The following DOCK4 variants were observed in gnomAD, a reference collection of about 807,000 sequenced individuals.
DOCK4 encodes dedicator of cytokinesis protein 4.
In DOCK4, 97 loss-of-function variants were observed where a neutral mutation model predicts 268.1. The ratio of observed to expected loss-of-function variants is 0.36; its 90% CI spans 0.31 to 0.43. The LOEUF is 0.43. DOCK4 is among the 20% of genes least tolerant of loss of function. DOCK4 has a pLI of 1.00. For synonymous variants in DOCK4, 954 were observed against 887.2 expected, an observed-to-expected ratio of 1.08 and a Z score of -1.34; for missense variants, 2,145 against 2,455.7, an observed-to-expected ratio of 0.87 and a Z score of 2.67.
chr7:111,757,021 G>A (rs1341282899), intron 41 of DOCK4, among the ~76,000 whole-genome samples: 1 of 152,048 alleles, frequency 6.6e-6, no homozygotes, highest in African/African-American at 2.4e-5. Flanking sequence ...GAGTGAGTAG[G>A]AGTTTGCCAG....
chr7:111,894,311 T>C (rs1298982966), intron 16 of DOCK4, among the ~76,000 whole-genome samples: 1 of 152,226 alleles, frequency 6.6e-6, no homozygotes, highest in Non-Finnish European at 1.5e-5. Context: ...AAGTTTTTGC[T>C]TGTAATCTCT....
chr7:112,110,541 G>C (rs1312965177), intron 1 of DOCK4, among the ~76,000 whole-genome samples: 1 of 152,200 alleles, frequency 6.6e-6, no homozygotes, highest in East Asian at 1.9e-4. Context: ...TGGTGAACAC[G>C]ATCTTCAGGT....
Position 111,739,207 on chromosome 7 carries a change from C to T in DOCK4, c.5159G>A (p.Arg1720Gln), listed in dbSNP as rs747259595. 4.8e-5 allele frequency: 78 copies of T among 1,613,816 alleles called. No homozygotes were observed. The highest frequency in any genetic ancestry group is 6.1e-5 in the Non-Finnish European group (72 of 1,179,888). ...PLLSDKHKHS[R>Q]ENSCLSPRER... ...TCTTGGTGACAGGCAAGAGTTTTCT[C>T]GGGAATGTTTGTGTTTGTCAGACAA... Residue 1720 changes from arginine to glutamine, a missense_variant, in exon 49 of 53, where the codon CGA becomes CAA. Coordinates refer to ENST00000428084, the MANE Select transcript of DOCK4 (RefSeq NM_001363540.2).
rs149326247 is a variant in DOCK4 at position 111,895,607 on chromosome 7, G to A, written c.1587+5C>T. On this transcript the variant is annotated splice_donor_5th_base_variant and intron_variant, in intron 16 of 52. Coordinates refer to ENST00000428084, the MANE Select transcript of DOCK4 (RefSeq NM_001363540.2). ...TGCCCATCGCCACCATCTGACTGAT[G>A]TTACCTTATGCACGATGAGCTCATG... 1.7e-5 allele frequency: 28 copies of A among 1,613,130 alleles called. No homozygotes were observed. The highest frequency in any genetic ancestry group is 2.3e-5 in the Non-Finnish European group (27 of 1,179,190).
intron 27 of DOCK4, among the ~76,000 whole-genome samples, chr7:111,818,113 T>G (rs889316964): frequency 3.9e-5 from 6 of 152,220 alleles, no homozygotes; most frequent in Non-Finnish European, 5.9e-5. Flanking sequence ...TCTTCTTCAC[T>G]GGATACCTCT....
At chr7:111,732,151 A>G in intron 52 of DOCK4, 75 bp downstream of exon 52, 4 of 1,433,450 alleles carry the variant, frequency 2.8e-6, no homozygotes, top group Non-Finnish European at 3.9e-6. Context: ...GCACCTTTTG[A>G]TATATCTGGG....
chr7:112,205,591 C>G (rs535581607), intron 1 of DOCK4, among the ~76,000 whole-genome samples: 210 of 152,268 alleles, frequency 1.4e-3, no homozygotes, highest in African/African-American at 4.8e-3. Flanking sequence ...ATTCCACACT[C>G]CGGGAATGTC....
chr7:112,200,725 T>TTAAAA (rs1554478846), intron 1 of DOCK4, among the ~76,000 whole-genome samples: 8 of 102,782 alleles, frequency 7.8e-5, no homozygotes, highest in Admixed American at 1.1e-4. Flanking sequence ...GCCTCTAAAA[T>TTAAAA]AAAAAAAAAA....
chr7:111,969,761 C>T (rs1393409376), intron 8 of DOCK4, among the ~76,000 whole-genome samples: 3 of 152,068 alleles, frequency 2.0e-5, no homozygotes, highest in Admixed American at 1.3e-4. Flanking sequence ...TATACACATC[C>T]GTAGCTGCAC....
intron 8 of DOCK4, among the ~76,000 whole-genome samples, chr7:111,961,375 C>A (rs1260370315): frequency 6.6e-6 from 1 of 152,180 alleles, no homozygotes; most frequent in African/African-American, 2.4e-5. Flanking sequence ...TACAAACACT[C>A]AAAGGGTCTC....
At chr7:112,073,176 A>G (rs1024804402) in intron 1 of DOCK4, among the ~76,000 whole-genome samples, 2 of 152,078 alleles carry the variant, frequency 1.3e-5, no homozygotes, top group African/African-American at 4.8e-5. Context: ...AAACCTGCCT[A>G]GGTCTCTCAT....
Position 111,782,879 on chromosome 7 carries a change from G to A in DOCK4, c.3570C>T (p.Cys1190=), listed in dbSNP as rs1484706070. The A allele has an allele frequency of 2.5e-6, 4 of 1,613,564 alleles. No individual in the cohort carries two copies. In the African/African-American group the frequency reaches 5.3e-5, roughly 22 times the overall value. The change falls in exon 35 of 53, where the codon TGC becomes TGT. Residue 1190 remains cysteine (C), a synonymous_variant. Coordinates refer to ENST00000428084, the MANE Select transcript of DOCK4 (RefSeq NM_001363540.2). ...GTTTACTAACCAGAAGGCTAACTGT[G>A]CAGCCAATCTTTTTGCCATCTACCT... ...MGEVDGKKIG[C]TVSLLNFYKT...
At chr7:112,014,531 T>A (rs1034493905) in intron 1 of DOCK4, among the ~76,000 whole-genome samples, 2 of 152,178 alleles carry the variant, frequency 1.3e-5, no homozygotes, top group Non-Finnish European at 2.9e-5. Context: ...CTCAAAACCA[T>A]GACTCACATG....
At chr7:111,752,431 GTATT>G (rs753320274) in intron 42 of DOCK4, among the ~76,000 whole-genome samples, 10 of 152,082 alleles carry the variant, frequency 6.6e-5, no homozygotes, top group Non-Finnish European at 1.0e-4. Context: ...TGGGTATACA[GTATT>G]TAGAAAGAGG....
intron 27 of DOCK4, chr7:111,819,722 G>A (rs1408368526): frequency 6.6e-6 from 1 of 152,228 alleles, no homozygotes; most frequent in African/African-American, 2.4e-5. Context: ...TTTGAGGGAT[G>A]AGCAATTCAA....
At chr7:111,760,147 TCTCA>T (rs1797285648) in intron 40 of DOCK4, 30 bp downstream of exon 40, 1 of 1,607,812 alleles carries the variant, frequency 6.2e-7, no homozygotes, top group Admixed American at 1.7e-5. Context: ...GCCAGTGCAA[TCTCA>T]CTGAGTCCAG....
At chr7:111,892,061 T>C (rs1808328793) in intron 16 of DOCK4, among the ~76,000 whole-genome samples, 1 of 152,190 alleles carries the variant, frequency 6.6e-6, no homozygotes, top group African/African-American at 2.4e-5. Flanking sequence ...TCAATAAATA[T>C]CTTAAATTTT....
intron 13 of DOCK4, among the ~76,000 whole-genome samples, chr7:111,906,548 T>G (rs985853066): frequency 3.9e-5 from 6 of 152,100 alleles, no homozygotes; most frequent in African/African-American, 1.4e-4. Flanking sequence ...TGGCCCCTCA[T>G]GTGTGTGAAA....
intron 11 of DOCK4, among the ~76,000 whole-genome samples, 187 bp downstream of exon 11, chr7:111,939,923 T>A (rs1586440414): frequency 1.3e-5 from 2 of 152,292 alleles, no homozygotes; most frequent in East Asian, 1.9e-4. Context: ...ATTCAGTAAT[T>A]CCTCTGACTG....
Sources: allele counts gnomAD v4.1 joint callset (sites outside exome capture counted in the v4.1 genomes callset), GRCh38; gene constraint gnomAD v4.1.1; transcripts MANE v1.5; gene names NCBI Gene and HGNC (gene_info 2026-07-23, HGNC 2026-07-21).